HNF4A: variants seen among roughly 807,000 people sequenced by gnomAD.
HNF4A encodes hepatocyte nuclear factor 4-alpha.
A neutral mutation model predicts 52.4 loss-of-function variants in HNF4A; 15 were observed. The ratio of observed to expected loss-of-function variants is 0.29; its 90% CI spans 0.19 to 0.44. The LOEUF (loss-of-function observed/expected upper bound fraction) is 0.44, where lower values mean the gene tolerates loss of function less well. HNF4A is among the 20% of genes least tolerant of loss of function. HNF4A has a pLI of 1.00. For synonymous variants in HNF4A, 280 were observed against 264.4 expected (o/e 1.06, Z -0.57); for missense variants, 479 against 647.2 (o/e 0.74, Z 2.82).
intron 1 of HNF4A, among the ~76,000 whole-genome samples, chr20:44,377,194 C>G (rs78080980): frequency 0.022 from 3,413 of 152,186 alleles, 55 homozygotes; most frequent in Non-Finnish European, 0.037. Context: ...AACAGAAATT[C>G]AAATAACATA....
chr20:44,401,328 G>C lies in HNF4A; in HGVS notation c.-45G>C. 6.2e-7 allele frequency: 1 copy of C among 1,613,008 alleles called. No individual in the cohort carries two copies. The highest frequency in any genetic ancestry group is 8.5e-7 in the Non-Finnish European group (1 of 1,179,728). ...GCGGAGGGCGGGGGCCTTCGGGGTG[G>C]GCGCCCAGGGTAGGGCAGGTGGCCG... On this transcript the variant is annotated 5_prime_UTR_variant, in exon 1 of 10. Coordinates refer to ENST00000316099, the MANE Select transcript of HNF4A (RefSeq NM_000457.6).
chr20:44,421,122 CTG>C (rs2063738422), intron 7 of HNF4A, among the ~76,000 whole-genome samples: 1 of 151,810 alleles, frequency 6.6e-6, no homozygotes, highest in Non-Finnish European at 1.5e-5. Context: ...TTTTGAGTCT[CTG>C]TTGCAAGTTA....
intron 7 of HNF4A, among the ~76,000 whole-genome samples, 181 bp downstream of exon 7, chr20:44,420,057 CG>C (rs959883729): frequency 2.6e-5 from 4 of 152,134 alleles, no homozygotes; most frequent in African/African-American, 9.7e-5. Context: ...TATGGCCGGG[CG>C]CAGTGGCTCA....
chr20:44,362,314 G>A (rs1218047956), intron 1 of HNF4A, among the ~76,000 whole-genome samples: 4 of 150,888 alleles, frequency 2.7e-5, no homozygotes, highest in Admixed American at 2.6e-4. Context: ...CAGCTACTCG[G>A]GAGGCTGAGG....
At chr20:44,424,501 A>G in intron 8 of HNF4A, 2 of 1,012,418 alleles carry the variant, frequency 2.0e-6, no homozygotes, top group Non-Finnish European at 3.0e-6. Context: ...TCAGCAAAGA[A>G]CAAGATCTTT....
chr20:44,381,794 A>G (rs1246871147), intron 1 of HNF4A, among the ~76,000 whole-genome samples: 1 of 151,884 alleles, frequency 6.6e-6, no homozygotes, highest in Non-Finnish European at 1.5e-5. Context: ...TGTTTTTAGT[A>G]GAGACAGGGT....
intron 1 of HNF4A, among the ~76,000 whole-genome samples, chr20:44,386,193 G>C (rs1462862786): frequency 8.8e-6 from 1 of 113,024 alleles, no homozygotes; most frequent in African/African-American, 3.4e-5. Context: ...TTGAGACAGA[G>C]TTTTGCTCTT....
intron 1 of HNF4A, among the ~76,000 whole-genome samples, chr20:44,358,258 A>G (rs988166157): frequency 1.0e-4 from 15 of 148,406 alleles, no homozygotes; most frequent in Admixed American, 5.4e-4. Flanking sequence ...GAAAAAAAAA[A>G]AAAAGAAAAG....
At position 44,432,436 on chromosome 20, in the gene HNF4A, G is replaced by C. The variant is rs562455396; in HGVS notation, c.*2771G>C. 1 of 130,472 alleles carries C rather than the reference G, an allele frequency of 7.7e-6. No individual in the cohort carries two copies. The highest frequency in any genetic ancestry group is 2.9e-5 in the African/African-American group (1 of 35,034). 8.1% of individuals were successfully genotyped at this position (130,472 alleles called of 1,614,324 possible). ...AAACAGAGGGTTGCTGGGGGGACAA[G>C]CGTGGGCACAATTTCCCCACCAAGA... is the stretch of plus-strand genomic sequence containing the variant. On this transcript the variant is annotated 3_prime_UTR_variant, in exon 10 of 10. Coordinates refer to ENST00000316099, the MANE Select transcript of HNF4A (RefSeq NM_000457.6).
At chr20:44,387,665 GGGA>G (rs2063245393) in intron 1 of HNF4A, among the ~76,000 whole-genome samples, 3 of 93,664 alleles carry the variant, frequency 3.2e-5, no homozygotes, top group African/African-American at 1.0e-4. Context: ...CGGGGGGGGG[GGGA>G]GGCGGGGGGG....
At chr20:44,399,861 C>T (rs1034131224), upstream of HNF4A, among the ~76,000 whole-genome samples, 3 of 152,222 alleles carry the variant, frequency 2.0e-5, no homozygotes, top group African/African-American at 2.4e-5. Flanking sequence ...CCCACTAATT[C>T]GCCCACTCTT....
intron 7 of HNF4A, among the ~76,000 whole-genome samples, chr20:44,421,834 GAT>G (rs1714726133): frequency 6.9e-6 from 1 of 144,938 alleles, no homozygotes; most frequent in South Asian, 2.1e-4. Flanking sequence ...AGTATATAGT[GAT>G]ATATTACGTA....
intron 1 of HNF4A, chr20:44,372,668 T>G (rs1026475067): frequency 1.2e-4 from 19 of 152,184 alleles, no homozygotes; most frequent in African/African-American, 4.6e-4. Flanking sequence ...GAGGTTTTTT[T>G]TTCCCCCTCT....
rs371124358 is a variant in HNF4A at position 44,424,054 on chromosome 20, G to T, written c.929G>T (p.Arg310Leu). 6.2e-7 allele frequency: 1 copy of T among 1,613,212 alleles called. No homozygotes were observed. Among genetic ancestry groups the T allele is most frequent in the Non-Finnish European group, 8.5e-7 (1 of 1,179,986 alleles). Residue 310 changes from arginine (R) to leucine (L), a missense_variant, in exon 8 of 10, where the codon CGG becomes CTG. Coordinates refer to ENST00000316099, the MANE Select transcript of HNF4A (RefSeq NM_000457.6). ...CTGAGCGATCCAGGGAAGATCAAGC[G>T]GCTGCGTTCCCAGGTGCAGGTGAGC...
In HNF4A at chr20:44,385,059, C is replaced by CTTTTTTT. The variant is rs775721024; in HGVS notation, c.50-20977_50-20971dup. Among the ~76,000 whole-genome samples the CTTTTTTT allele has an allele frequency of 2.4e-3, 83 of 34,978 alleles. 16 individuals carry two copies. Among genetic ancestry groups the CTTTTTTT allele is most frequent in the South Asian group, 0.013 (5 of 376 alleles). 22.9% of individuals were successfully genotyped at this position (34,978 alleles called of 152,430 possible). A position where few individuals can be genotyped will look rare whatever the true frequency, so the allele number is the denominator to read the frequency against. On this transcript the variant is annotated intron_variant, in intron 1 of 9. Transcript: ENST00000316673. Reference sequence around the variant, plus strand: ...AGTGGTTTCAGCTGAACTCTGTGATCTTTTTTTTTTTTTTTTTTTTTTTTT... The same window carrying CTTTTTTT: ...AGTGGTTTCAGCTGAACTCTGTGATCTTTTTTTTTTTTTTTTTTTTTTTTTTTTTTTT...
intron 1 of HNF4A, among the ~76,000 whole-genome samples, chr20:44,387,721 T>A (rs1432578860): frequency 3.7e-5 from 4 of 107,852 alleles, no homozygotes; most frequent in Non-Finnish European, 5.6e-5. Context: ...CTGGCAGGTT[T>A]AAAAAAAAAA....
At chr20:44,394,784 C>A (rs542267630) in intron 1 of HNF4A, among the ~76,000 whole-genome samples, 3 of 152,332 alleles carry the variant, frequency 2.0e-5, no homozygotes, top group African/African-American at 7.2e-5. Flanking sequence ...TCCTGCCCAC[C>A]CAGGCCTTTT....
chr20:44,372,216 G>A (rs556556238), intron 1 of HNF4A, among the ~76,000 whole-genome samples: 245 of 152,340 alleles, frequency 1.6e-3, no homozygotes, highest in Middle Eastern at 0.01. Context: ...TACAAGAAAA[G>A]TTTAAATTAT....
intron 3 of HNF4A, 93 bp from the exon 4 acceptor site, chr20:44,413,601 C>T: frequency 2.3e-6 from 2 of 855,180 alleles, no homozygotes; most frequent in South Asian, 1.4e-5. Context: ...GGACACCCCC[C>T]ACCTCCTGCT....
Sources: allele counts gnomAD v4.1 joint callset (sites outside exome capture counted in the v4.1 genomes callset), GRCh38; gene constraint gnomAD v4.1.1; transcripts MANE v1.5; gene names NCBI Gene and HGNC (gene_info 2026-07-23, HGNC 2026-07-21).